Variants in SLC24A2 observed in about 807,000 individuals in gnomAD.
SLC24A2 encodes sodium/potassium/calcium exchanger 2.
A neutral mutation model predicts 62.0 loss-of-function variants in SLC24A2; 36 were observed. The observed-to-expected ratio is 0.58, with a 90% CI of 0.44 to 0.77. The LOEUF is 0.77. Ranked by LOEUF, SLC24A2 falls within the 30% of genes least tolerant of loss-of-function variation. SLC24A2 has a pLI of 0.00. For missense variants in SLC24A2, 846 were observed against 817.9 expected, an observed-to-expected ratio of 1.03 and a Z score of -0.42; for synonymous variants, 358 against 294.0, an observed-to-expected ratio of 1.22 and a Z score of -2.23.
At chr9:20,240,449 T>C in the SLC24A2 span, among the ~76,000 whole-genome samples, 1 of 152,150 alleles carries the variant, frequency 6.6e-6, no homozygotes, top group Non-Finnish European at 1.5e-5. Context: ...AATTTCAGTC[T>C]CATTCCCAAG....
the SLC24A2 span, among the ~76,000 whole-genome samples, chr9:20,291,708 A>G: frequency 1.3e-5 from 2 of 151,988 alleles, no homozygotes; most frequent in Non-Finnish European, 2.9e-5. Context: ...TAATTTGGGG[A>G]TATATTATAG....
At chr9:20,117,071 C>T in the SLC24A2 span, among the ~76,000 whole-genome samples, 1 of 152,122 alleles carries the variant, frequency 6.6e-6, no homozygotes, top group Non-Finnish European at 1.5e-5. Context: ...CAGGATTAGG[C>T]TAGTAATGTA....
chr9:20,031,657 G>A, the SLC24A2 span, among the ~76,000 whole-genome samples: 4 of 152,030 alleles, frequency 2.6e-5, no homozygotes, highest in Non-Finnish European at 4.4e-5. Flanking sequence ...TGTAAAAGGT[G>A]TCACTACAAA....
At chr9:19,655,269 C>T (rs17492143) in intron 2 of SLC24A2, among the ~76,000 whole-genome samples, 41,899 of 152,088 alleles carry the variant, frequency 0.28, 6,007 homozygotes, top group African/African-American at 0.31. Flanking sequence ...CTTTGTAACC[C>T]GAGGTTTTTG....
chr9:19,915,281 CTAA>C, the SLC24A2 span, among the ~76,000 whole-genome samples: 3 of 152,082 alleles, frequency 2.0e-5, no homozygotes, highest in African/African-American at 7.2e-5. Flanking sequence ...TTTTTATTGC[CTAA>C]TAATATTTCA....
At chr9:19,884,099 T>G in the SLC24A2 span, among the ~76,000 whole-genome samples, 2 of 152,342 alleles carry the variant, frequency 1.3e-5, no homozygotes, top group East Asian at 3.9e-4. Context: ...TGTGCCTCAT[T>G]CTAAATATAT....
At chr9:20,060,814 G>A in the SLC24A2 span, among the ~76,000 whole-genome samples, 1 of 152,120 alleles carries the variant, frequency 6.6e-6, no homozygotes, top group African/African-American at 2.4e-5. Context: ...ACACAATGTG[G>A]AGCTACTATA....
At chr9:19,861,294 T>C in the SLC24A2 span, among the ~76,000 whole-genome samples, 7 of 152,206 alleles carry the variant, frequency 4.6e-5, no homozygotes, top group African/African-American at 1.7e-4. Flanking sequence ...AAAGTCTCTG[T>C]CTGGTAATTC....
the SLC24A2 span, among the ~76,000 whole-genome samples, chr9:20,137,564 A>T: frequency 6.6e-6 from 1 of 152,240 alleles, no homozygotes; most frequent in Non-Finnish European, 1.5e-5. Flanking sequence ...TGTGAACTAG[A>T]TATGAAAGTA....
At chr9:19,718,206 A>G (rs962459497) in intron 2 of SLC24A2, among the ~76,000 whole-genome samples, 7 of 147,904 alleles carry the variant, frequency 4.7e-5, no homozygotes, top group Non-Finnish European at 8.9e-5. Context: ...CGAACTGCTG[A>G]CCTTGTGATC....
the SLC24A2 span, among the ~76,000 whole-genome samples, chr9:19,893,552 C>G: frequency 3.9e-5 from 6 of 152,182 alleles, no homozygotes; most frequent in African/African-American, 1.4e-4. Context: ...TACTGGATAT[C>G]TGGCATTATT....
At chr9:20,112,595 G>C in the SLC24A2 span, among the ~76,000 whole-genome samples, 3 of 152,088 alleles carry the variant, frequency 2.0e-5, no homozygotes, top group Non-Finnish European at 4.4e-5. Context: ...ATTCCATTCT[G>C]AGTGATCTCA....
the SLC24A2 span, among the ~76,000 whole-genome samples, chr9:20,016,015 G>A: frequency 6.6e-6 from 1 of 152,172 alleles, no homozygotes; most frequent in Non-Finnish European, 1.5e-5. Context: ...GTTCACAAGT[G>A]TAATAACAAA....
chr9:19,561,559 C>G (rs985833969), intron 7 of SLC24A2, among the ~76,000 whole-genome samples: 2 of 151,532 alleles, frequency 1.3e-5, no homozygotes, highest in Non-Finnish European at 2.9e-5. Context: ...CTCAGCCTCC[C>G]GAGTAGCTGG....
the SLC24A2 span, among the ~76,000 whole-genome samples, chr9:20,060,456 A>T: frequency 6.6e-6 from 1 of 152,192 alleles, no homozygotes; most frequent in Admixed American, 6.5e-5. Context: ...ATTAACACCA[A>T]GTGGGATTTG....
chr9:20,173,240 A>T, the SLC24A2 span, among the ~76,000 whole-genome samples: 5 of 152,212 alleles, frequency 3.3e-5, no homozygotes, highest in East Asian at 9.7e-4. Context: ...AACGGGGAAA[A>T]GCTGAAGGCA....
At chr9:19,750,896 T>C (rs1821963638) in intron 2 of SLC24A2, among the ~76,000 whole-genome samples, 1 of 152,170 alleles carries the variant, frequency 6.6e-6, no homozygotes. Flanking sequence ...CTCTGCCTAC[T>C]CTGCTTTTGT....
chr9:19,877,097 C>A, the SLC24A2 span, among the ~76,000 whole-genome samples: 1 of 151,710 alleles, frequency 6.6e-6, no homozygotes, highest in Non-Finnish European at 1.5e-5. Context: ...CAGATTATTA[C>A]GCCATTGTCT....
chr9:20,041,756 G>A, the SLC24A2 span, among the ~76,000 whole-genome samples: 1 of 152,258 alleles, frequency 6.6e-6, no homozygotes, highest in Non-Finnish European at 1.5e-5. Context: ...GTTGGTATCT[G>A]GCCAAATGGC....
Sources: allele counts gnomAD v4.1 joint callset (sites outside exome capture counted in the v4.1 genomes callset), GRCh38; gene constraint gnomAD v4.1.1; transcripts MANE v1.5; gene names NCBI Gene and HGNC (gene_info 2026-07-23, HGNC 2026-07-21).